Variants in CA10 observed in about 807,000 individuals in gnomAD.
The protein encoded by CA10 is carbonic anhydrase-related protein 10.
In CA10, 14 loss-of-function variants were observed where a neutral mutation model predicts 44.2. That is an observed-to-expected ratio of 0.32 (90% CI 0.21 to 0.50). The LOEUF (loss-of-function observed/expected upper bound fraction) is 0.50, where lower values mean the gene tolerates loss of function less well. CA10 is among the 20% of genes least tolerant of loss of function. The pLI is 0.99. For missense variants in CA10, 350 were observed against 409.7 expected (o/e 0.85, Z 1.26); for synonymous variants, 159 against 141.6 (o/e 1.12, Z -0.87).
At position 51,717,666 on chromosome 17, in the gene CA10, C is replaced by CATAT. The variant is rs1916172165; in HGVS notation, c.465+29966_465+29967insATAT. Among the ~76,000 whole-genome samples, 3 of 70,320 alleles carry CATAT rather than the reference C, an allele frequency of 4.3e-5. 1 individual carries two copies. Among genetic ancestry groups the CATAT allele is most frequent in the Non-Finnish European group, 5.8e-5 (2 of 34,440 alleles). The allele number at this position is 70,320 out of a possible 152,430, so 46.1% of individuals were successfully genotyped here. On this transcript the variant is annotated intron_variant, in intron 4 of 8. Coordinates refer to ENST00000451037, the MANE Select transcript of CA10 (RefSeq NM_020178.5). ...ATATATACATATATACGTATATATA[C>CATAT]ATGTATATATGTATATATGTATACA...
At chr17:51,868,920 A>G (rs1335093403) in intron 3 of CA10, among the ~76,000 whole-genome samples, 1 of 151,806 alleles carries the variant, frequency 6.6e-6, no homozygotes, top group African/African-American at 2.4e-5. Context: ...AGATGTTATA[A>G]AAGGTGACAT....
chr17:51,824,417 T>A (rs935769763), intron 3 of CA10, among the ~76,000 whole-genome samples: 1 of 152,300 alleles, frequency 6.6e-6, no homozygotes, highest in East Asian at 1.9e-4. Flanking sequence ...GGCACCAACA[T>A]TCAATAATCA....
chr17:52,052,249 TAACA>T (rs1258028349), intron 2 of CA10, among the ~76,000 whole-genome samples: 1 of 148,762 alleles, frequency 6.7e-6, no homozygotes, highest in Non-Finnish European at 1.5e-5. Context: ...TTTACCTAGG[TAACA>T]AACAAACCTG....
intron 3 of CA10, among the ~76,000 whole-genome samples, chr17:51,818,478 T>C (rs890631226): frequency 2.0e-5 from 3 of 152,146 alleles, no homozygotes; most frequent in African/African-American, 7.2e-5. Context: ...CTTTTAGCTG[T>C]TGAAGAAACA....
At chr17:51,717,529 G>GTA (rs3031848) in intron 4 of CA10, among the ~76,000 whole-genome samples, 1,589 of 50,094 alleles carry the variant, frequency 0.032, 79 homozygotes, top group South Asian at 0.053. Flanking sequence ...AAAGAAACTG[G>GTA]TATATATATA....
At chr17:52,072,519 G>A in intron 1 of CA10, 126 bp from the exon 2 acceptor site, 6 of 548,980 alleles carry the variant, frequency 1.1e-5, no homozygotes, top group East Asian at 6.2e-5. Flanking sequence ...TACTACAACA[G>A]AACCTTCCTT....
At chr17:52,109,163 T>A in intron 1 of CA10, among the ~76,000 whole-genome samples, 1 of 152,168 alleles carries the variant, frequency 6.6e-6, no homozygotes, top group East Asian at 1.9e-4. Context: ...TACACTCATG[T>A]TGTAGATGAT....
chr17:51,883,506 A>G (rs1980467035), intron 3 of CA10, among the ~76,000 whole-genome samples: 1 of 152,266 alleles, frequency 6.6e-6, no homozygotes, highest in South Asian at 2.1e-4. Flanking sequence ...GCTCTTGTTA[A>G]GGCCACTAAT....
chr17:51,658,990 C>T (rs1000473152), intron 4 of CA10, among the ~76,000 whole-genome samples: 9 of 152,200 alleles, frequency 5.9e-5, no homozygotes, highest in African/African-American at 2.2e-4. Flanking sequence ...ATGATGCTCT[C>T]ACCCAGGAGG....
chr17:51,908,008 A>T (rs1186353065), intron 3 of CA10, among the ~76,000 whole-genome samples: 1 of 152,188 alleles, frequency 6.6e-6, no homozygotes, highest in East Asian at 1.9e-4. Flanking sequence ...GGCACATAGC[A>T]GGTGTTCAAT....
chr17:52,134,390 T>A (rs1235918442), intron 1 of CA10, among the ~76,000 whole-genome samples: 1 of 152,196 alleles, frequency 6.6e-6, no homozygotes, highest in African/African-American at 2.4e-5. Flanking sequence ...AAACTTGGGT[T>A]CAAAGCCTAG....
At chr17:51,923,259 T>A (rs927015299) in intron 3 of CA10, among the ~76,000 whole-genome samples, 1 of 152,172 alleles carries the variant, frequency 6.6e-6, no homozygotes, top group African/African-American at 2.4e-5. Flanking sequence ...CCTTTTTGTT[T>A]TCTTTCCACC....
At chr17:51,938,713 C>G (rs1982960728) in intron 2 of CA10, among the ~76,000 whole-genome samples, 1 of 152,070 alleles carries the variant, frequency 6.6e-6, no homozygotes. Context: ...AAGCACATCA[C>G]TAAAGGTAAA....
intron 4 of CA10, among the ~76,000 whole-genome samples, chr17:51,696,390 C>T (rs1029972955): frequency 6.6e-5 from 10 of 151,992 alleles, no homozygotes; most frequent in South Asian, 2.1e-4. Context: ...TGGGAGGTTG[C>T]GTGTTTTCAG....
chr17:52,062,837 C>T (rs1316099076), intron 2 of CA10, among the ~76,000 whole-genome samples: 1 of 152,236 alleles, frequency 6.6e-6, no homozygotes, highest in Non-Finnish European at 1.5e-5. Flanking sequence ...CAGGGAGCCT[C>T]TACTAGGGCA....
intron 5 of CA10, among the ~76,000 whole-genome samples, chr17:51,652,807 G>C (rs1913625481): frequency 6.6e-6 from 1 of 152,154 alleles, no homozygotes; most frequent in South Asian, 2.1e-4. Flanking sequence ...TCCCAATTCC[G>C]ATTGGGGCAC....
At chr17:51,776,636 A>G (rs180811757) in intron 3 of CA10, among the ~76,000 whole-genome samples, 3 of 152,332 alleles carry the variant, frequency 2.0e-5, no homozygotes, top group Admixed American at 2.0e-4. Flanking sequence ...TAAAACTTGT[A>G]GTTGAAAAAA....
chr17:52,025,003 C>T (rs4794320), intron 2 of CA10, among the ~76,000 whole-genome samples: 50,210 of 151,666 alleles, frequency 0.33, 10,019 homozygotes, highest in East Asian at 0.73. Context: ...TGACAGAATG[C>T]TAGACTTCCC....
intron 3 of CA10, among the ~76,000 whole-genome samples, chr17:51,926,263 T>C (rs1567887873): frequency 6.6e-6 from 1 of 152,142 alleles, no homozygotes; most frequent in Non-Finnish European, 1.5e-5. Context: ...CTCTCACAAA[T>C]CTAAGCTGCT....
Sources: allele counts gnomAD v4.1 joint callset (sites outside exome capture counted in the v4.1 genomes callset), GRCh38; gene constraint gnomAD v4.1.1; transcripts MANE v1.5; gene names NCBI Gene and HGNC (gene_info 2026-07-23, HGNC 2026-07-21).